Variants in KCTD7 observed in about 807,000 individuals in gnomAD.
KCTD7 encodes potassium channel tetramerization domain containing 7.
Under a neutral mutation model 27.0 loss-of-function variants are expected in KCTD7, and 15 were observed. That is an observed-to-expected ratio of 0.56 (90% CI 0.37 to 0.86). The LOEUF (loss-of-function observed/expected upper bound fraction) is 0.86, where lower values mean the gene tolerates loss of function less well. KCTD7 is among the 40% of genes least tolerant of loss of function. KCTD7 has a pLI of 0.00. For synonymous variants in KCTD7, 159 were observed against 162.7 expected (o/e 0.98, Z 0.17); for missense variants, 299 against 398.9 (o/e 0.75, Z 2.13).
chr7:66,640,927 A>G lies in KCTD7; in HGVS notation c.*1695A>G, dbSNP rs1327027474. 2 of 985,584 alleles carry G rather than the reference A, an allele frequency of 2.0e-6. No individual in the cohort carries two copies. Among genetic ancestry groups the G allele is most frequent in the East Asian group, 2.3e-4 (2 of 8,834 alleles). 61.1% of individuals were successfully genotyped at this position (985,584 alleles called of 1,614,324 possible). ...ACAAGATGGGTATAAGGGGAGCTGA[A>G]GTCTGTGTTCATATGAGGAAGAGAA... On this transcript the variant is annotated 3_prime_UTR_variant, in exon 4 of 4. Transcript: ENST00000639828.
At chr7:66,637,967 A>G (rs186817750) in intron 2 of KCTD7, among the ~76,000 whole-genome samples, 3 of 152,314 alleles carry the variant, frequency 2.0e-5, no homozygotes, top group Admixed American at 6.5e-5. Context: ...ATTATACCTA[A>G]TAATAGTAAT....
Position 66,642,701 on chromosome 7 carries a change from C to T in KCTD7, c.*3469C>T. On this transcript the variant is annotated 3_prime_UTR_variant, in exon 4 of 4. Transcript: ENST00000639828. ...GTGAAGGTGGTACCTGTCTCATGAT[C>T]CTTAAAAGAGAGAGGCTTTTTTCAT... 4.1e-6 allele frequency: 4 copies of T among 985,312 alleles called. No individual in the cohort carries two copies. Among genetic ancestry groups the T allele is most frequent in the Non-Finnish European group, 4.8e-6 (4 of 829,926 alleles). The allele number at this position is 985,312 out of a possible 1,614,324, so 61.0% of individuals were successfully genotyped here.
Position 66,640,638 on chromosome 7 carries a change from C to T in KCTD7, c.*1406C>T, listed in dbSNP as rs895960752. 1 of 1,364,472 alleles carries T rather than the reference C, an allele frequency of 7.3e-7. No individual in the cohort carries two copies. Among genetic ancestry groups the T allele is most frequent in the African/African-American group, 1.5e-5 (1 of 67,786 alleles). 84.5% of individuals were successfully genotyped at this position (1,364,472 alleles called of 1,614,324 possible). On this transcript the variant is annotated 3_prime_UTR_variant, in exon 4 of 4. Transcript: ENST00000639828. ...TAATGTGTAAAGAATTGATGCGAGC[C>T]AGGAACATGTCTGTAGTCCCAGCTA... is the stretch of plus-strand genomic sequence containing the variant.
chr7:66,637,680 A>G (rs1786619460), intron 2 of KCTD7, among the ~76,000 whole-genome samples: 1 of 152,194 alleles, frequency 6.6e-6, no homozygotes, highest in African/African-American at 2.4e-5. Flanking sequence ...AAGAAAAGGC[A>G]AAACTCATCT....
Position 66,640,503 on chromosome 7 carries a change from C to G in KCTD7, c.*1271C>G, listed in dbSNP as rs527676202. 2 of 1,524,262 alleles carry G rather than the reference C, an allele frequency of 1.3e-6. No homozygotes were observed. The highest frequency in any genetic ancestry group is 1.7e-4 in the Middle Eastern group (1 of 5,928). The allele number at this position is 1,524,262 out of a possible 1,614,324, so 94.4% of individuals were successfully genotyped here. On this transcript the variant is annotated 3_prime_UTR_variant, in exon 4 of 4. Transcript: ENST00000639828. ...GGACATGCATCTCCTAAAGGAAGAA[C>G]TGTGTAGCACCATTGATCACAATGT...
chr7:66,640,916 A>T lies in KCTD7; in HGVS notation c.*1684A>T. On this transcript the variant is annotated 3_prime_UTR_variant, in exon 4 of 4. Coordinates refer to ENST00000639828, the MANE Select transcript of KCTD7 (RefSeq NM_153033.5). Reference sequence around the variant, plus strand: ...GGACCAGATAGACAAGATGGGTATAAGGGGAGCTGAAGTCTGTGTTCATAT... The same window carrying T: ...GGACCAGATAGACAAGATGGGTATATGGGGAGCTGAAGTCTGTGTTCATAT... 1 of 985,870 alleles carries T rather than the reference A, an allele frequency of 1.0e-6. No homozygotes were observed. The allele number at this position is 985,870 out of a possible 1,614,324, so 61.1% of individuals were successfully genotyped here. A position where few individuals can be genotyped will look rare whatever the true frequency, so the allele number is the denominator to read the frequency against.
Position 66,639,440 on chromosome 7 carries a change from G to A in KCTD7, c.*208G>A. On this transcript the variant is annotated 3_prime_UTR_variant, in exon 4 of 4. Transcript: ENST00000639828. ...TTGGGCTCAGGGCTTGCGGCCTGCA[G>A]GCACTCCAGCCAGCGCTCACCTGGC... 6.8e-7 allele frequency: 1 copy of A among 1,462,882 alleles called. No homozygotes were observed. Among genetic ancestry groups the A allele is most frequent in the Non-Finnish European group, 9.0e-7 (1 of 1,109,048 alleles). The allele number at this position is 1,462,882 out of a possible 1,614,324, so 90.6% of individuals were successfully genotyped here.
At chr7:66,634,807 GTTGTTC>G (rs1322997705) in intron 2 of KCTD7, among the ~76,000 whole-genome samples, 1 of 151,382 alleles carries the variant, frequency 6.6e-6, no homozygotes, top group East Asian at 1.9e-4. Context: ...AAAACCCTCT[GTTGTTC>G]TTGTCACTTA....
chr7:66,629,855 C>T lies in KCTD7; in HGVS notation c.144+647C>T, dbSNP rs144499256. Reference sequence around the variant, plus strand: ...GCAGGCCAGTTCATAGATGTAGGCACGGTCACCTGGCATCCCATGGCTTTC... The same window carrying T: ...GCAGGCCAGTTCATAGATGTAGGCATGGTCACCTGGCATCCCATGGCTTTC... On this transcript the variant is annotated intron_variant, in intron 1 of 3. Transcript: ENST00000639828. 1.1e-4 allele frequency among the ~76,000 whole-genome samples: 16 copies of T among 152,316 alleles called. No homozygotes were observed. The East Asian group carries it at 1.7e-3, about 17-fold the overall frequency.
chr7:66,639,408 C>CCTTAACTTGGATT lies in KCTD7; in HGVS notation c.*176_*177insCTTAACTTGGATT. The CCTTAACTTGGATT allele has an allele frequency of 6.7e-7, 1 of 1,499,912 alleles. No homozygotes were observed. Among genetic ancestry groups the CCTTAACTTGGATT allele is most frequent in the Non-Finnish European group, 8.9e-7 (1 of 1,126,996 alleles). 92.9% of individuals were successfully genotyped at this position (1,499,912 alleles called of 1,614,324 possible). A position where few individuals can be genotyped will look rare whatever the true frequency, so the allele number is the denominator to read the frequency against. Reference sequence around the variant, plus strand: ...GTAGCTCCAATCTCCCTGACTGCACCTCAGGGTTGGGCTCAGGGCTTGCGG... The same window carrying CCTTAACTTGGATT: ...GTAGCTCCAATCTCCCTGACTGCACCCTTAACTTGGATTTCAGGGTTGGGCTCAGGGCTTGCGG... On this transcript the variant is annotated 3_prime_UTR_variant, in exon 4 of 4. Transcript: ENST00000639828.
chr7:66,638,739 G>A, intron 3 of KCTD7, 117 bp from the exon 4 acceptor site: 2 of 1,323,286 alleles, frequency 1.5e-6, no homozygotes. Flanking sequence ...CCCTTCCCCG[G>A]GAAATCTGTC....
intron 1 of KCTD7, 127 bp downstream of exon 1, chr7:66,629,335 CCTCCCCCGCCCACCTGCAA>C (rs1394712262): frequency 2.4e-5 from 16 of 665,646 alleles, no homozygotes; most frequent in Non-Finnish European, 3.0e-5. Flanking sequence ...GACTTGCGCC[CCTCCCCCGCCCACCTGCAA>C]CTCCCCCGCC....
chr7:66,629,030 G>T lies in KCTD7; in HGVS notation c.-35G>T. On this transcript the variant is annotated 5_prime_UTR_variant, in exon 1 of 4. Coordinates refer to ENST00000639828, the MANE Select transcript of KCTD7 (RefSeq NM_153033.5). ...GTGCCCGGGGCCGCCGCCTCCGCCC[G>T]CCCGAAGCCGCGCCCACTGCCCAGA... 6.7e-7 allele frequency: 1 copy of T among 1,481,982 alleles called. No homozygotes were observed. The highest frequency in any genetic ancestry group is 9.0e-7 in the Non-Finnish European group (1 of 1,113,384). 91.8% of individuals were successfully genotyped at this position (1,481,982 alleles called of 1,614,324 possible). A position where few individuals can be genotyped will look rare whatever the true frequency, so the allele number is the denominator to read the frequency against.
chr7:66,629,249 C>T (rs1184433696), intron 1 of KCTD7, 41 bp downstream of exon 1: 2 of 767,584 alleles, frequency 2.6e-6, no homozygotes, highest in African/African-American at 1.9e-5. Flanking sequence ...TGGGGAGGGG[C>T]GCGGGGGAGA....
Position 66,629,227 on chromosome 7 carries a change from G to A in KCTD7, c.144+19G>A, listed in dbSNP as rs998736066. 1.1e-5 allele frequency: 15 copies of A among 1,327,478 alleles called. No homozygotes were observed. Among genetic ancestry groups the A allele is most frequent in the Non-Finnish European group, 1.3e-5 (14 of 1,037,806 alleles). The allele number at this position is 1,327,478 out of a possible 1,614,324, so 82.2% of individuals were successfully genotyped here. A position where few individuals can be genotyped will look rare whatever the true frequency, so the allele number is the denominator to read the frequency against. ...ACAGGAGGTACCCGGGCGGGCGGCG[G>A]GCCGCGGGGCGTGGGGAGGGGCGCG... On this transcript the variant is annotated intron_variant, in intron 1 of 3. Transcript: ENST00000639828.
At chr7:66,629,563 G>A (rs867367805) in intron 1 of KCTD7, among the ~76,000 whole-genome samples, 2 of 152,074 alleles carry the variant, frequency 1.3e-5, no homozygotes, top group African/African-American at 4.8e-5. Context: ...TGGTGTGTCT[G>A]ACCAGGCACC....
At chr7:66,643,174 A>G (rs1045585463), downstream of KCTD7, 1 of 979,154 alleles carries the variant, frequency 1.0e-6, no homozygotes, top group Non-Finnish European at 1.2e-6. Context: ...ACACAACAAG[A>G]CAGGCTTTTC....
At chr7:66,638,718 G>A in intron 3 of KCTD7, 138 bp from the exon 4 acceptor site, 1 of 1,073,138 alleles carries the variant, frequency 9.3e-7, no homozygotes, top group Admixed American at 2.2e-5. Flanking sequence ...CCCTTCATTG[G>A]CCCCCTGAGT....
intron 2 of KCTD7, among the ~76,000 whole-genome samples, chr7:66,633,793 C>G (rs531209198): frequency 4.0e-5 from 6 of 151,896 alleles, no homozygotes; most frequent in Middle Eastern, 6.8e-3. Flanking sequence ...TCCAGACCAG[C>G]TCATTACAGC....
Sources: gnomAD v4.1 joint callset for allele counts (sites outside exome capture counted in the v4.1 genomes callset) on GRCh38, gnomAD v4.1.1 for gene constraint, MANE v1.5 for transcripts, NCBI Gene and HGNC (gene_info 2026-07-23, HGNC 2026-07-21) for gene names.